MBP: variants seen among roughly 807,000 people sequenced by gnomAD.
MBP encodes the protein Golli-MBP.
Under a neutral mutation model 35.8 loss-of-function variants are expected in MBP, and 16 were observed. That is an observed-to-expected ratio of 0.45 (90% CI 0.30 to 0.68). The LOEUF (loss-of-function observed/expected upper bound fraction) is 0.68. Ranked by LOEUF, MBP falls within the 30% of genes least tolerant of loss-of-function variation. MBP has a pLI of 0.08. For missense variants in MBP, 380 were observed against 404.7 expected (o/e 0.94, Z 0.52); for synonymous variants, 143 against 159.6 (o/e 0.90, Z 0.78).
intron 1 of MBP, among the ~76,000 whole-genome samples, chr18:77,117,898 A>T (rs148848275): frequency 4.9e-4 from 8 of 16,304 alleles, no homozygotes; most frequent in Admixed American, 3.4e-3. Context: ...GGGAGGGGGG[A>T]CATTGGGTTG....
intron 1 of MBP, among the ~76,000 whole-genome samples, chr18:77,118,384 T>G (rs984797214): frequency 6.6e-6 from 1 of 151,884 alleles, no homozygotes; most frequent in Non-Finnish European, 1.5e-5. Context: ...CACCCAGCAG[T>G]TGGCACAGGA....
intron 4 of MBP, among the ~76,000 whole-genome samples, chr18:77,002,229 C>G (rs1970679259): frequency 6.6e-6 from 1 of 152,222 alleles, no homozygotes; most frequent in African/African-American, 2.4e-5. Context: ...GCACCTGGCT[C>G]TCTCCACCTG....
intron 1 of MBP, among the ~76,000 whole-genome samples, chr18:77,123,993 T>A (rs750683957): frequency 6.6e-6 from 1 of 152,126 alleles, no homozygotes; most frequent in Non-Finnish European, 1.5e-5. Flanking sequence ...TGCCCTGAGC[T>A]CCATCCCTTC....
intron 3 of MBP, among the ~76,000 whole-genome samples, chr18:77,039,699 G>A (rs1972907619): frequency 6.6e-6 from 1 of 152,206 alleles, no homozygotes; most frequent in Admixed American, 6.5e-5. Flanking sequence ...CTTCCTGCCA[G>A]AAGAAAGTTG....
At chr18:77,017,501 A>G (rs955731529) in intron 3 of MBP, 4 of 380,702 alleles carry the variant, frequency 1.1e-5, no homozygotes, top group Non-Finnish European at 1.9e-5. Flanking sequence ...TTTGGCACCC[A>G]GCGTAAAATG....
chr18:77,002,374 C>T (rs1970686073), intron 4 of MBP, among the ~76,000 whole-genome samples: 1 of 152,228 alleles, frequency 6.6e-6, no homozygotes, highest in Non-Finnish European at 1.5e-5. Flanking sequence ...AAAAATGTCT[C>T]TTTGTTAATG....
intron 8 of MBP, chr18:76,982,952 CTT>C (rs1243529909): frequency 5.9e-5 from 9 of 152,194 alleles, no homozygotes. Flanking sequence ...AAATACTGAA[CTT>C]ATTTCAGGAA....
Position 76,988,390 on chromosome 18 carries a change from A to C in MBP, c.750+105T>G, listed in dbSNP as rs1023338602. 36 of 1,613,714 alleles carry C rather than the reference A, an allele frequency of 2.2e-5. No individual in the cohort carries two copies. The highest frequency in any genetic ancestry group is 3.1e-5 in the Non-Finnish European group (36 of 1,179,834). ...GGGCAGAGAGGTCTCGAGAGGAGAG[A>C]AAAGGAGGCCAGGAAGCAACCGAAA... On this transcript the variant is annotated intron_variant, in intron 7 of 8. Coordinates refer to ENST00000355994, the MANE Select transcript of MBP (RefSeq NM_001025101.2). This position sits in a 1 kb window ranked among gnomAD's most constrained non-coding sequence, Gnocchi z 5.2.
At chr18:77,015,741 T>A (rs1175625409) in intron 4 of MBP, 4 of 985,446 alleles carry the variant, frequency 4.1e-6, no homozygotes, top group Non-Finnish European at 4.8e-6. Context: ...AATAAAGAAT[T>A]GCAGTTGGAG....
At chr18:77,103,350 G>A (rs937781892) in intron 2 of MBP, among the ~76,000 whole-genome samples, 2 of 152,162 alleles carry the variant, frequency 1.3e-5, no homozygotes, top group Non-Finnish European at 2.9e-5. Context: ...TAAGTCGGGG[G>A]TTCCCCTGAC....
chr18:77,078,000 G>A (rs1422867416), intron 2 of MBP, among the ~76,000 whole-genome samples: 4 of 152,068 alleles, frequency 2.6e-5, no homozygotes, highest in South Asian at 2.1e-4. Flanking sequence ...CCCCTGCCCC[G>A]GCCTCTCCAG....
chr18:77,063,003 C>T (rs1055075486), intron 3 of MBP, among the ~76,000 whole-genome samples: 1 of 152,172 alleles, frequency 6.6e-6, no homozygotes, highest in Non-Finnish European at 1.5e-5. Flanking sequence ...CACACGATCA[C>T]GGTGACTTGT....
At chr18:77,120,313 T>C (rs1976850770) in intron 1 of MBP, among the ~76,000 whole-genome samples, 2 of 152,166 alleles carry the variant, frequency 1.3e-5, no homozygotes, top group South Asian at 2.1e-4. Context: ...CACGGCCAGG[T>C]GACCTCAGAC....
intron 1 of MBP, among the ~76,000 whole-genome samples, chr18:77,125,172 C>T (rs1977010867): frequency 6.6e-6 from 1 of 152,232 alleles, no homozygotes; most frequent in Non-Finnish European, 1.5e-5. Context: ...TTGTCATGCT[C>T]TTACCAAATT....
At chr18:77,088,868 T>G (rs143551027) in intron 2 of MBP, among the ~76,000 whole-genome samples, 1 of 152,334 alleles carries the variant, frequency 6.6e-6, no homozygotes, top group East Asian at 1.9e-4. Flanking sequence ...TTTGCAGATT[T>G]AATGAAGTTA....
At chr18:77,100,932 C>T (rs957334191) in intron 2 of MBP, among the ~76,000 whole-genome samples, 1 of 152,146 alleles carries the variant, frequency 6.6e-6, no homozygotes, top group African/African-American at 2.4e-5. Context: ...AGTAAGCCCA[C>T]AGCTCAGCAG....
intron 1 of MBP, chr18:77,113,951 G>A (rs1976562885): frequency 6.6e-6 from 1 of 152,224 alleles, no homozygotes; most frequent in Non-Finnish European, 1.5e-5. Flanking sequence ...ACACTGGAGG[G>A]ACCTAGGCTC....
intron 4 of MBP, chr18:77,006,165 G>A (rs933289837): frequency 3.3e-5 from 5 of 152,370 alleles, no homozygotes; most frequent in South Asian, 2.1e-4. Context: ...GGCAGGGCAG[G>A]TCTTTCCAGA....
At chr18:77,084,031 T>G (rs1975092498) in intron 2 of MBP, among the ~76,000 whole-genome samples, 1 of 151,588 alleles carries the variant, frequency 6.6e-6, no homozygotes, top group Non-Finnish European at 1.5e-5. Context: ...AAAAAACCCA[T>G]AAACGCTCAG....
Sources: allele counts gnomAD v4.1 joint callset (sites outside exome capture counted in the v4.1 genomes callset), GRCh38; gene constraint gnomAD v4.1.1; non-coding constraint Gnocchi (gnomAD v3.1); transcripts MANE v1.5; gene names NCBI Gene and HGNC (gene_info 2026-07-23, HGNC 2026-07-21).